Variants in FRMD4B observed in about 807,000 individuals in gnomAD.
FRMD4B encodes FERM domain-containing protein 4B.
FRMD4B carries 74 observed loss-of-function variants against 141.5 expected under a neutral mutation model. That is an observed-to-expected ratio of 0.52 (90% CI 0.43 to 0.63). FRMD4B has a LOEUF of 0.63. FRMD4B is among the 30% of genes least tolerant of loss of function. The pLI is 0.00. For synonymous variants in FRMD4B, 506 were observed against 467.9 expected (o/e 1.08, Z -1.05); for missense variants, 1,366 against 1,253.4 (o/e 1.09, Z -1.36).
chr3:69,436,991 G>T (rs1376813676), intron 1 of FRMD4B, among the ~76,000 whole-genome samples: 1 of 152,148 alleles, frequency 6.6e-6, no homozygotes, highest in Non-Finnish European at 1.5e-5. Flanking sequence ...CTGGGGAATG[G>T]GAAGTTATTG....
intron 1 of FRMD4B, among the ~76,000 whole-genome samples, chr3:69,515,784 T>C (rs914294507): frequency 6.6e-6 from 1 of 152,212 alleles, no homozygotes; most frequent in Admixed American, 6.5e-5. Context: ...ATATAGTTTC[T>C]AAATGGAAAA....
intron 2 of FRMD4B, among the ~76,000 whole-genome samples, chr3:69,312,612 C>T (rs1284097304): frequency 1.3e-5 from 2 of 152,174 alleles, no homozygotes; most frequent in East Asian, 1.9e-4. Context: ...AAAATATCAT[C>T]GCTTGGCTGG....
chr3:69,190,016 T>G (rs2107629648), intron 17 of FRMD4B, 64 bp from the exon 18 acceptor site: 1 of 878,298 alleles, frequency 1.1e-6, no homozygotes, highest in South Asian at 1.5e-5. Flanking sequence ...GGGTCTTAGA[T>G]AAACAATTTT....
intron 1 of FRMD4B, among the ~76,000 whole-genome samples, chr3:69,453,431 C>G (rs1390466607): frequency 6.6e-6 from 1 of 152,212 alleles, no homozygotes; most frequent in African/African-American, 2.4e-5. Flanking sequence ...TAGCGCCGGG[C>G]ACCTGGAAAG....
chr3:69,503,467 T>C (rs1044044807), intron 1 of FRMD4B, among the ~76,000 whole-genome samples: 4 of 135,132 alleles, frequency 3.0e-5, no homozygotes, highest in East Asian at 2.2e-4. Flanking sequence ...TTCTCACTGA[T>C]AGGAGGGAAC....
At chr3:69,410,734 T>A (rs938975373) in intron 2 of FRMD4B, among the ~76,000 whole-genome samples, 293 of 10,488 alleles carry the variant, frequency 0.028, 6 homozygotes, top group African/African-American at 0.14. Context: ...TAAATATATA[T>A]ATATATATAT....
chr3:69,397,972 G>A (rs1168856353), intron 2 of FRMD4B, among the ~76,000 whole-genome samples: 1 of 152,266 alleles, frequency 6.6e-6, no homozygotes, highest in East Asian at 1.9e-4. Flanking sequence ...CACAATGAGT[G>A]TGTAATACTT....
rs539984948 is a variant in FRMD4B, at chr3:69,374,205, T to C, written c.162+11623A>G. On this transcript the variant is annotated intron_variant, in intron 1 of 22. Transcript: ENST00000398540. ...CCATCAATGTTATCTTTAACCTTTA[T>C]ACCAAACTTAAAAGATCTTATTTTA... Among the ~76,000 whole-genome samples the C allele has an allele frequency of 3.3e-5, 5 of 152,302 alleles. No homozygotes were observed. The South Asian group carries it at 8.3e-4, about 25-fold the overall frequency.
At chr3:69,410,983 G>A (rs1234888567) in intron 2 of FRMD4B, among the ~76,000 whole-genome samples, 2 of 151,866 alleles carry the variant, frequency 1.3e-5, no homozygotes, top group Non-Finnish European at 2.9e-5. Context: ...AAGCCATAAG[G>A]GGTCAGCCAA....
chr3:69,512,982 A>G (rs997783098), intron 1 of FRMD4B, among the ~76,000 whole-genome samples: 1 of 152,138 alleles, frequency 6.6e-6, no homozygotes, highest in East Asian at 1.9e-4. Context: ...CATATCAACA[A>G]CCTAACTTTA....
intron 7 of FRMD4B, among the ~76,000 whole-genome samples, chr3:69,243,258 T>C (rs1043264404): frequency 1.3e-5 from 2 of 152,182 alleles, no homozygotes; most frequent in Non-Finnish European, 2.9e-5. Context: ...ATGATAATGT[T>C]AACTTAAAAT....
chr3:69,269,738 G>C (rs1330988925), intron 5 of FRMD4B, among the ~76,000 whole-genome samples: 1 of 152,146 alleles, frequency 6.6e-6, no homozygotes, highest in African/African-American at 2.4e-5. Context: ...TCGTGCCTCA[G>C]CCTCCCAAGT....
chr3:69,528,988 T>C (rs1461176311), intron 1 of FRMD4B, among the ~76,000 whole-genome samples: 1 of 152,104 alleles, frequency 6.6e-6, no homozygotes, highest in African/African-American at 2.4e-5. Context: ...TTCCCCTGCA[T>C]TTCCAGCCCA....
chr3:69,370,790 C>T (rs565369772), intron 1 of FRMD4B, among the ~76,000 whole-genome samples: 1 of 152,334 alleles, frequency 6.6e-6, no homozygotes, highest in African/African-American at 2.4e-5. Flanking sequence ...CATCGTCTCT[C>T]AGCTGGAGAT....
At chr3:69,315,052 A>G (rs947747987) in intron 1 of FRMD4B, among the ~76,000 whole-genome samples, 1 of 152,116 alleles carries the variant, frequency 6.6e-6, no homozygotes, top group African/African-American at 2.4e-5. Context: ...AATAAAAATG[A>G]AAAGTCTTCA....
At chr3:69,222,445 T>C (rs1314784118) in intron 8 of FRMD4B, among the ~76,000 whole-genome samples, 9 of 105,096 alleles carry the variant, frequency 8.6e-5, no homozygotes, top group Admixed American at 8.4e-4. Flanking sequence ...CCATTCTAGG[T>C]GACAAGAGTG....
chr3:69,172,122 G>A, intron 22 of FRMD4B, 141 bp from the exon 23 acceptor site: 1 of 680,818 alleles, frequency 1.5e-6, no homozygotes, highest in South Asian at 1.7e-5. Context: ...GAAAGGAGAA[G>A]GGTGACTGCA....
intron 4 of FRMD4B, among the ~76,000 whole-genome samples, chr3:69,289,933 T>G (rs1283094401): frequency 2.6e-5 from 4 of 152,206 alleles, no homozygotes; most frequent in Non-Finnish European, 5.9e-5. Flanking sequence ...TGATTTGTCC[T>G]TTTTTTCTTT....
At chr3:69,537,043 C>T (rs1241548649) in intron 1 of FRMD4B, among the ~76,000 whole-genome samples, 1 of 152,180 alleles carries the variant, frequency 6.6e-6, no homozygotes, top group Non-Finnish European at 1.5e-5. Flanking sequence ...CCACTGCACC[C>T]CACCAGGAAT....
Sources: allele counts gnomAD v4.1 joint callset (sites outside exome capture counted in the v4.1 genomes callset), GRCh38; gene constraint gnomAD v4.1.1; transcripts MANE v1.5; gene names NCBI Gene and HGNC (gene_info 2026-07-23, HGNC 2026-07-21).